Variants in ERC2 observed in about 807,000 individuals in gnomAD.
ERC2 encodes ERC protein 2.
ERC2 carries 42 observed loss-of-function variants against 114.8 expected under a neutral mutation model. The observed-to-expected ratio is 0.37, with a 90% CI of 0.29 to 0.47. The LOEUF is 0.47. Among genes scored for constraint, ERC2 ranks in the 20% least tolerant of loss-of-function variants. The pLI is 0.99. For synonymous variants in ERC2, 454 were observed against 425.5 expected (o/e 1.07, Z -0.82); for missense variants, 939 against 1,150.7 (o/e 0.82, Z 2.66).
chr3:55,877,687 A>AT (rs1030035378), intron 14 of ERC2, among the ~76,000 whole-genome samples: 3 of 151,368 alleles, frequency 2.0e-5, no homozygotes, highest in Non-Finnish European at 2.9e-5. Context: ...AACTTTTTGT[A>AT]TTTTTTGTAG....
chr3:56,188,687 C>A (rs2083789600), intron 3 of ERC2, among the ~76,000 whole-genome samples: 1 of 152,182 alleles, frequency 6.6e-6, no homozygotes, highest in Non-Finnish European at 1.5e-5. Context: ...GCTGAGGGCT[C>A]ACAGAATTGG....
intron 17 of ERC2, among the ~76,000 whole-genome samples, chr3:55,682,036 A>G (rs1181086900): frequency 6.6e-6 from 1 of 152,202 alleles, no homozygotes; most frequent in Non-Finnish European, 1.5e-5. Context: ...AACTCTTAGA[A>G]CTTTCCTTTA....
intron 13 of ERC2, among the ~76,000 whole-genome samples, chr3:55,947,179 C>A: frequency 6.6e-6 from 1 of 152,186 alleles, no homozygotes; most frequent in East Asian, 1.9e-4. Flanking sequence ...CCCACCTTTA[C>A]AGCAGTGTTC....
At chr3:55,690,160 G>C (rs954677293) in intron 16 of ERC2, among the ~76,000 whole-genome samples, 3 of 152,134 alleles carry the variant, frequency 2.0e-5, no homozygotes, top group African/African-American at 7.2e-5. Flanking sequence ...TTTTTAAAAT[G>C]CTATTGGTCT....
intron 14 of ERC2, among the ~76,000 whole-genome samples, chr3:55,856,602 T>C (rs944073841): frequency 6.6e-6 from 1 of 152,058 alleles, no homozygotes; most frequent in Non-Finnish European, 1.5e-5. Context: ...ACATACAATA[T>C]AATGCATATA....
chr3:56,083,148 A>G (rs139177571), intron 6 of ERC2, among the ~76,000 whole-genome samples: 207 of 152,340 alleles, frequency 1.4e-3, no homozygotes, highest in African/African-American at 4.7e-3. Flanking sequence ...ACAGGAAACA[A>G]CACAAATGTC....
At chr3:56,374,877 T>C (rs1448592081) in intron 2 of ERC2, among the ~76,000 whole-genome samples, 1 of 152,220 alleles carries the variant, frequency 6.6e-6, no homozygotes, top group Non-Finnish European at 1.5e-5. Flanking sequence ...ATCCTGATTA[T>C]CTCAGTCTTT....
chr3:56,265,582 C>A (rs775590727), intron 3 of ERC2, among the ~76,000 whole-genome samples: 36 of 152,082 alleles, frequency 2.4e-4, no homozygotes, highest in Non-Finnish European at 4.4e-4. Flanking sequence ...ACATAAGCAA[C>A]AAAAGCAAAA....
At chr3:55,725,177 A>G (rs968529430) in intron 15 of ERC2, among the ~76,000 whole-genome samples, 2 of 152,186 alleles carry the variant, frequency 1.3e-5, no homozygotes, top group African/African-American at 4.8e-5. Context: ...AAGTTGGCAA[A>G]TCACTCTGAA....
In ERC2 at chr3:55,610,075, A is replaced by C. The variant is rs867811849; in HGVS notation, c.*39+73719T>G. 8.9e-3 allele frequency among the ~76,000 whole-genome samples: 1,344 copies of C among 151,808 alleles called. 15 individuals carry two copies. The highest frequency in any genetic ancestry group is 0.029 in the African/African-American group (1,221 of 41,454). On this transcript the variant is annotated intron_variant, in intron 17 of 17. Transcript: ENST00000288221. The stretch of plus-strand genomic sequence containing the variant: ...CAAACAAACACAAACAAAAAAAAAA[A>C]AAAAAAAAACAAGAATTCCTCTAAT...
rs2149453920 is a variant in ERC2 at position 55,955,104 on chromosome 3, T to C, written c.2268-4544A>G. ...ATTTATGTTAAAATAGGAATGCCTA[T>C]TTGGATGTATATAGACACACATGCA... On this transcript the variant is annotated intron_variant, in intron 12 of 17. Transcript: ENST00000288221. 4 of 507,756 alleles carry C rather than the reference T, an allele frequency of 7.9e-6. 1 individual carries two copies. Among genetic ancestry groups the C allele is most frequent in the South Asian group, 2.9e-5 (2 of 68,956 alleles). The allele number at this position is 507,756 out of a possible 1,614,324, so 31.5% of individuals were successfully genotyped here.
At chr3:56,104,115 A>G (rs1280432991) in intron 6 of ERC2, among the ~76,000 whole-genome samples, 3 of 152,150 alleles carry the variant, frequency 2.0e-5, no homozygotes, top group Non-Finnish European at 2.9e-5. Context: ...CTTTGTCGCT[A>G]TGACTTAAAT....
chr3:56,219,705 G>A (rs143662606), intron 3 of ERC2, among the ~76,000 whole-genome samples: 2 of 149,068 alleles, frequency 1.3e-5, no homozygotes, highest in African/African-American at 2.4e-5. Context: ...ATGGGAAAGA[G>A]TGTTGGGCTC....
At chr3:55,772,639 G>T (rs1192214588) in intron 14 of ERC2, among the ~76,000 whole-genome samples, 1 of 151,878 alleles carries the variant, frequency 6.6e-6, no homozygotes, top group African/African-American at 2.4e-5. Flanking sequence ...GTTAATTTTT[G>T]AAAAAAGTAT....
intron 17 of ERC2, among the ~76,000 whole-genome samples, chr3:55,604,230 G>A (rs2148539658): frequency 6.6e-6 from 1 of 152,214 alleles, no homozygotes; most frequent in Non-Finnish European, 1.5e-5. Context: ...TGTGAGGGAT[G>A]AAGAAAACAA....
intron 6 of ERC2, among the ~76,000 whole-genome samples, chr3:56,085,989 G>A (rs2077480955): frequency 6.6e-6 from 1 of 152,152 alleles, no homozygotes; most frequent in Admixed American, 6.6e-5. Flanking sequence ...AGTGAGTGGT[G>A]CTGGAGAGAG....
chr3:55,809,895 C>A (rs1342798758), intron 14 of ERC2, among the ~76,000 whole-genome samples: 1 of 152,198 alleles, frequency 6.6e-6, no homozygotes, highest in Non-Finnish European at 1.5e-5. Flanking sequence ...TAAAGAGCAT[C>A]TCAGGTAGAG....
At chr3:56,211,432 C>T (rs2049051801) in intron 3 of ERC2, among the ~76,000 whole-genome samples, 2 of 152,104 alleles carry the variant, frequency 1.3e-5, no homozygotes, top group Non-Finnish European at 2.9e-5. Context: ...AACTACAAAA[C>T]ACTGCTGAAA....
rs1369210299 is a variant in ERC2, at chr3:56,153,136, T to G, written c.1150-4004A>C. 2.0e-5 allele frequency among the ~76,000 whole-genome samples: 3 copies of G among 152,292 alleles called. No homozygotes were observed. The East Asian group carries it at 5.8e-4, about 29-fold the overall frequency. ...GTGTGCTATAGATTAATAGTAAACT[T>G]AGACAAGGAGTTCTCTCATTCATTC... On this transcript the variant is annotated intron_variant, in intron 4 of 17. Transcript: ENST00000288221.
Sources: gnomAD v4.1 joint callset for allele counts (sites outside exome capture counted in the v4.1 genomes callset) on GRCh38, gnomAD v4.1.1 for gene constraint, MANE v1.5 for transcripts, NCBI Gene and HGNC (gene_info 2026-07-23, HGNC 2026-07-21) for gene names.